Variants in ASB18 observed in about 807,000 individuals in gnomAD.
ASB18 encodes ankyrin repeat and SOCS box protein 18.
A neutral mutation model predicts 33.4 loss-of-function variants in ASB18; 33 were observed. The ratio of observed to expected loss-of-function variants is 0.99; its 90% CI spans 0.75 to 1.32. The LOEUF (loss-of-function observed/expected upper bound fraction) is 1.32. Among genes scored for constraint, ASB18 ranks in the 40% most tolerant of loss-of-function variants. ASB18 has a pLI of 0.00. For synonymous variants in ASB18, 295 were observed against 307.6 expected, an observed-to-expected ratio of 0.96 and a Z score of 0.43; for missense variants, 694 against 655.5, an observed-to-expected ratio of 1.06 and a Z score of -0.64.
intron 1 of ASB18, among the ~76,000 whole-genome samples, chr2:236,254,589 G>T (rs2060683370): frequency 6.6e-6 from 1 of 151,910 alleles, no homozygotes; most frequent in African/African-American, 2.4e-5. Flanking sequence ...AGTTGTGTAT[G>T]TTAAACCTTT....
At position 236,214,250 on chromosome 2, in the gene ASB18, G is replaced by A; in HGVS notation, c.1101+112C>T. The A allele has an allele frequency of 1.8e-6, 2 of 1,127,368 alleles. No individual in the cohort carries two copies. The highest frequency in any genetic ancestry group is 2.4e-6 in the Non-Finnish European group (2 of 820,526). The allele number at this position is 1,127,368 out of a possible 1,614,324, so 69.8% of individuals were successfully genotyped here. A position where few individuals can be genotyped will look rare whatever the true frequency, so the allele number is the denominator to read the frequency against. ...ATTCTGCATTTTCACAAGTCCCCAG[G>A]GGTGCCTGGGCCATTACACTTTGAG... On this transcript the variant is annotated intron_variant, in intron 4 of 5. Coordinates refer to ENST00000409749, the MANE Select transcript of ASB18 (RefSeq NM_212556.4). The surrounding 1 kb of genome is among the most constrained non-coding windows in gnomAD (Gnocchi z 6.5).
Position 236,259,380 on chromosome 2 carries a change from C to T in ASB18, c.205+4761G>A, listed in dbSNP as rs1050088828. The T allele has an allele frequency of 4.6e-5, 18 of 389,970 alleles. No homozygotes were observed. The highest frequency in any genetic ancestry group is 7.5e-5 in the Non-Finnish European group (14 of 187,254). 24.2% of individuals were successfully genotyped at this position (389,970 alleles called of 1,614,324 possible). On this transcript the variant is annotated intron_variant, in intron 1 of 5. Transcript: ENST00000409749. The surrounding 1 kb of genome is among the most constrained non-coding windows in gnomAD (Gnocchi z 4.4). ...GCTCTGGATATAATCGAGTGTTAGG[C>T]GAGGTTCTGGCCCTAGAAGAGGTGG...
chr2:236,233,029 G>A (rs2060573682), intron 3 of ASB18, among the ~76,000 whole-genome samples: 1 of 151,980 alleles, frequency 6.6e-6, no homozygotes. Flanking sequence ...TAACATAGAT[G>A]CGGATACTAA....
Position 236,196,512 on chromosome 2 carries a change from G to A in ASB18, c.1102-127C>T, listed in dbSNP as rs1447444722. 9.3e-6 allele frequency: 6 copies of A among 642,306 alleles called. No homozygotes were observed. The East Asian group carries it at 1.6e-4, about 18-fold the overall frequency. The allele number at this position is 642,306 out of a possible 1,614,324, so 39.8% of individuals were successfully genotyped here. A position where few individuals can be genotyped will look rare whatever the true frequency, so the allele number is the denominator to read the frequency against. ...ACCTCCCTACGCCCAAGCCACACAG[G>A]GAACAGCAACAGAGCAGTACCACAG... On this transcript the variant is annotated intron_variant, in intron 4 of 5. Transcript: ENST00000409749. This position sits in a 1 kb window ranked among gnomAD's most constrained non-coding sequence, Gnocchi z 5.6.
rs973643061 is a variant in ASB18 at position 236,249,095 on chromosome 2, T to C, written c.206-7693A>G. On this transcript the variant is annotated intron_variant, in intron 1 of 5. Coordinates refer to ENST00000409749, the MANE Select transcript of ASB18 (RefSeq NM_212556.4). This position sits in a 1 kb window ranked among gnomAD's most constrained non-coding sequence, Gnocchi z 4.6. Reference sequence around the variant, plus strand: ...AAATTATTTGAAAACATTCAAAGCATGTCTGTACAGTAAGAGTAACTCGTG... The same window carrying C: ...AAATTATTTGAAAACATTCAAAGCACGTCTGTACAGTAAGAGTAACTCGTG... The C allele has an allele frequency of 6.6e-6, 1 of 152,270 alleles. No individual in the cohort carries two copies. Among genetic ancestry groups the C allele is most frequent in the Non-Finnish European group, 1.5e-5 (1 of 68,044 alleles). The allele number at this position is 152,270 out of a possible 1,614,324, so 9.4% of individuals were successfully genotyped here. A position where few individuals can be genotyped will look rare whatever the true frequency, so the allele number is the denominator to read the frequency against.
rs1316766988 is a variant in ASB18, at chr2:236,228,543, A to G, written c.596+9146T>C. Among the ~76,000 whole-genome samples the G allele has an allele frequency of 6.6e-6, 1 of 152,232 alleles. No individual in the cohort carries two copies. Among genetic ancestry groups the G allele is most frequent in the Non-Finnish European group, 1.5e-5 (1 of 68,036 alleles). On this transcript the variant is annotated intron_variant, in intron 3 of 5. Transcript: ENST00000409749. This position sits in a 1 kb window ranked among gnomAD's most constrained non-coding sequence, Gnocchi z 5.1. ...GCTGTGGAAAGAGCCACCTGAAAGG[A>G]AGGATTAGAACCGACTGAAATATGT... is the stretch of plus-strand genomic sequence containing the variant.
chr2:236,254,545 CTGT>C (rs1296295815), intron 1 of ASB18, among the ~76,000 whole-genome samples: 2 of 151,624 alleles, frequency 1.3e-5, no homozygotes, highest in African/African-American at 4.9e-5. Context: ...TTTTTCCACC[CTGT>C]TATTATTCTT....
At chr2:236,227,430 T>C (rs2060545984) in intron 3 of ASB18, among the ~76,000 whole-genome samples, 1 of 152,244 alleles carries the variant, frequency 6.6e-6, no homozygotes, top group Admixed American at 6.5e-5. Context: ...TAGGTGCTCT[T>C]CTAAGCAAAT....
At position 236,255,512 on chromosome 2, in the gene ASB18, G is replaced by T. The variant is rs1299980059; in HGVS notation, c.205+8629C>A. Among the ~76,000 whole-genome samples the T allele has an allele frequency of 6.6e-6, 1 of 152,128 alleles. No homozygotes were observed. Among genetic ancestry groups the T allele is most frequent in the African/African-American group, 2.4e-5 (1 of 41,412 alleles). On this transcript the variant is annotated intron_variant, in intron 1 of 5. Transcript: ENST00000409749. This position sits in a 1 kb window ranked among gnomAD's most constrained non-coding sequence, Gnocchi z 4.4. ...GGAGATGTATTTCTTTTTCAGGTGG[G>T]CACATTGCATGCCACAGGGATTTTG...
Position 236,226,735 on chromosome 2 carries a change from C to T in ASB18, c.596+10954G>A, listed in dbSNP as rs186153269. ...TATTTTGTGCTATGATTGGGTGCTG[C>T]ATTCTGATTTCTTAGTAAGAAGCAA... On this transcript the variant is annotated intron_variant, in intron 3 of 5. Coordinates refer to ENST00000409749, the MANE Select transcript of ASB18 (RefSeq NM_212556.4). The surrounding 1 kb of genome is among the most constrained non-coding windows in gnomAD (Gnocchi z 4.8). Among the ~76,000 whole-genome samples the T allele has an allele frequency of 5.0e-4, 76 of 152,262 alleles. 1 individual carries two copies. Among genetic ancestry groups the T allele is most frequent in the Admixed American group, 3.9e-4 (6 of 15,304 alleles).
chr2:236,195,092 C>A lies in ASB18; in HGVS notation c.1216-35G>T. 1 of 1,577,424 alleles carries A rather than the reference C, an allele frequency of 6.3e-7. No homozygotes were observed. Among genetic ancestry groups the A allele is most frequent in the Non-Finnish European group, 8.6e-7 (1 of 1,156,786 alleles). On this transcript the variant is annotated intron_variant, in intron 5 of 5. Coordinates refer to ENST00000409749, the MANE Select transcript of ASB18 (RefSeq NM_212556.4). This position sits in a 1 kb window ranked among gnomAD's most constrained non-coding sequence, Gnocchi z 5.5. ...AAGGCAGGTGGATTAGAAATCTGGG[C>A]ACGTGGAACCAACATACGTTTTCTT...
rs1441601425 is a variant in ASB18, at chr2:236,239,280, A to C, written c.329-1324T>G. The stretch of plus-strand genomic sequence containing the variant: ...TTCTCTGGGAAATGCTAAATCCCCA[A>C]CCCAGCCCCACCCTACCCTAGCGCT... On this transcript the variant is annotated intron_variant, in intron 2 of 5. Transcript: ENST00000409749. This position sits in a 1 kb window ranked among gnomAD's most constrained non-coding sequence, Gnocchi z 5.6. 6.6e-6 allele frequency among the ~76,000 whole-genome samples: 1 copy of C among 152,082 alleles called. No homozygotes were observed. The highest frequency in any genetic ancestry group is 1.5e-5 in the Non-Finnish European group (1 of 68,004).
At position 236,239,420 on chromosome 2, in the gene ASB18, T is replaced by C. The variant is rs1003330618; in HGVS notation, c.329-1464A>G. Among the ~76,000 whole-genome samples the C allele has an allele frequency of 2.0e-5, 3 of 151,986 alleles. No homozygotes were observed. The highest frequency in any genetic ancestry group is 2.9e-5 in the Non-Finnish European group (2 of 68,000). ...AGCACCGTCTCCAGGTCCTTGGCGATGCAGTCAGGAAGTCTGAATCAGCTT... is the reference window on the plus strand; with the variant it reads ...AGCACCGTCTCCAGGTCCTTGGCGACGCAGTCAGGAAGTCTGAATCAGCTT... On this transcript the variant is annotated intron_variant, in intron 2 of 5. Transcript: ENST00000409749. The surrounding 1 kb of genome is among the most constrained non-coding windows in gnomAD (Gnocchi z 5.6).
At chr2:236,207,675 C>T (rs1016280963) in intron 4 of ASB18, among the ~76,000 whole-genome samples, 5 of 152,294 alleles carry the variant, frequency 3.3e-5, no homozygotes, top group East Asian at 1.9e-4. Context: ...ACGGTTTGCC[C>T]GGTGGACTTG....
At chr2:236,246,842 C>T (rs1185307568) in intron 1 of ASB18, among the ~76,000 whole-genome samples, 1 of 152,256 alleles carries the variant, frequency 6.6e-6, no homozygotes, top group East Asian at 1.9e-4. Context: ...TATTTTTTCT[C>T]AGACTAATTG....
At chr2:236,246,090 T>C (rs889877487) in intron 1 of ASB18, among the ~76,000 whole-genome samples, 1 of 152,092 alleles carries the variant, frequency 6.6e-6, no homozygotes, top group African/African-American at 2.4e-5. Flanking sequence ...CAGTAGCTCA[T>C]GCCTATGATC....
chr2:236,197,654 T>G (rs889835159), intron 4 of ASB18, among the ~76,000 whole-genome samples: 3 of 152,140 alleles, frequency 2.0e-5, no homozygotes, highest in African/African-American at 4.8e-5. Context: ...AAACACCGTC[T>G]CTACTTAAAA....
At position 236,200,199 on chromosome 2, in the gene ASB18, A is replaced by G. The variant is rs576963256; in HGVS notation, c.1102-3814T>C. ...CCATCTCTACTAAAAATACAACAAA[A>G]TTAGCCAGGCATGGTGGTGCACATC... On this transcript the variant is annotated intron_variant, in intron 4 of 5. Transcript: ENST00000409749. This position sits in a 1 kb window ranked among gnomAD's most constrained non-coding sequence, Gnocchi z 4.2. 6.6e-6 allele frequency among the ~76,000 whole-genome samples: 1 copy of G among 152,088 alleles called. No homozygotes were observed. The highest frequency in any genetic ancestry group is 1.5e-5 in the Non-Finnish European group (1 of 68,004).
rs1052273158 is a variant in ASB18, at chr2:236,234,056, G to A, written c.596+3633C>T. 2.6e-5 allele frequency among the ~76,000 whole-genome samples: 4 copies of A among 152,214 alleles called. No homozygotes were observed. Among genetic ancestry groups the A allele is most frequent in the Non-Finnish European group, 4.4e-5 (3 of 68,038 alleles). On this transcript the variant is annotated intron_variant, in intron 3 of 5. Transcript: ENST00000409749. The surrounding 1 kb of genome is among the most constrained non-coding windows in gnomAD (Gnocchi z 4.1). ...ATTGGTGTTAAAACAGGCAAATAGA[G>A]CAATGAAACAGAATAGAGATGAAGG...
Sources: allele counts gnomAD v4.1 joint callset (sites outside exome capture counted in the v4.1 genomes callset), GRCh38; gene constraint gnomAD v4.1.1; non-coding constraint Gnocchi (gnomAD v3.1); transcripts MANE v1.5; gene names NCBI Gene and HGNC (gene_info 2026-07-23, HGNC 2026-07-21).